The following STXBP5L variants were observed in gnomAD, a reference collection of about 807,000 sequenced individuals.
STXBP5L encodes syntaxin binding protein 5L, also known as syntaxin-binding protein 5-like.
STXBP5L carries 65 observed loss-of-function variants against 144.5 expected under a neutral mutation model. The observed-to-expected ratio is 0.45, with a 90% confidence interval of 0.37 to 0.55. The LOEUF is 0.55. STXBP5L is among the 20% of genes least tolerant of loss of function. The pLI, the probability that STXBP5L is intolerant of heterozygous loss-of-function variation, is 0.00. For synonymous variants in STXBP5L, 505 were observed against 469.6 expected, an observed-to-expected ratio of 1.08 and a Z score of -0.97; for missense variants, 1,298 against 1,405.5, an observed-to-expected ratio of 0.92 and a Z score of 1.22.
At chr3:121,082,024 AC>A (rs2042270082) in intron 5 of STXBP5L, among the ~76,000 whole-genome samples, 1 of 152,166 alleles carries the variant, frequency 6.6e-6, no homozygotes, top group Non-Finnish European at 1.5e-5. Flanking sequence ...TTGTAACCAT[AC>A]AGTAAGCTTT....
intron 3 of STXBP5L, among the ~76,000 whole-genome samples, chr3:121,003,563 C>G (rs1275559482): frequency 2.6e-5 from 4 of 152,126 alleles, no homozygotes; most frequent in East Asian, 1.9e-4. Context: ...TTAATTAGAT[C>G]CCATTTGTCA....
chr3:121,293,275 G>A (rs970809482), intron 19 of STXBP5L, among the ~76,000 whole-genome samples: 2 of 152,148 alleles, frequency 1.3e-5, no homozygotes, highest in African/African-American at 2.4e-5. Context: ...GAAAAGCAAT[G>A]CATAGTGACA....
intron 5 of STXBP5L, among the ~76,000 whole-genome samples, chr3:121,054,561 G>A (rs1028351937): frequency 1.4e-5 from 2 of 138,634 alleles, no homozygotes; most frequent in African/African-American, 5.5e-5. Context: ...GACACAGGAA[G>A]GGGAACATCA....
chr3:121,348,545 CT>C (rs1354903067), intron 20 of STXBP5L, among the ~76,000 whole-genome samples: 2 of 152,022 alleles, frequency 1.3e-5, no homozygotes, highest in Non-Finnish European at 2.9e-5. Flanking sequence ...ACAGCTCCTC[CT>C]TGTACTTCTG....
At chr3:121,028,082 C>T (rs1042652856) in intron 3 of STXBP5L, among the ~76,000 whole-genome samples, 3 of 151,984 alleles carry the variant, frequency 2.0e-5, no homozygotes, top group East Asian at 1.9e-4. Flanking sequence ...ACGCAATATA[C>T]ATTTGTTAAA....
intron 3 of STXBP5L, among the ~76,000 whole-genome samples, chr3:120,961,550 T>G (rs1161515740): frequency 6.6e-6 from 1 of 152,230 alleles, no homozygotes; most frequent in Non-Finnish European, 1.5e-5. Context: ...TGCGATAGTT[T>G]GCTGAGAATG....
At position 121,418,477 on chromosome 3, in the gene STXBP5L, G is replaced by A. The variant is rs1276784978; in HGVS notation, c.3367G>A (p.Gly1123Arg). 5.0e-6 allele frequency: 8 copies of A among 1,613,968 alleles called. No individual in the cohort carries two copies. Among genetic ancestry groups the A allele is most frequent in the Non-Finnish European group, 6.8e-6 (8 of 1,179,994 alleles). ...TRARIALDER[G>R]QRLGELEEKT... ...TGCACGGATTGCACTTGATGAAAGA[G>A]GACAGAGGCTAGGAGAGCTGGAAGA... The change falls in exon 26 of 27, where the codon GGA (glycine) becomes AGA (arginine). Residue 1123 changes from glycine to arginine, a missense_variant. Coordinates refer to ENST00000471454, the MANE Select transcript of STXBP5L (RefSeq NM_001308330.2).
intron 20 of STXBP5L, among the ~76,000 whole-genome samples, chr3:121,329,936 CTTAT>C (rs548315030): frequency 6.6e-6 from 1 of 152,074 alleles, no homozygotes; most frequent in South Asian, 2.1e-4. Context: ...TAAAGATACA[CTTAT>C]TTAATGTAAG....
intron 19 of STXBP5L, among the ~76,000 whole-genome samples, chr3:121,285,509 C>T (rs1221031218): frequency 2.0e-5 from 3 of 152,170 alleles, no homozygotes; most frequent in Admixed American, 1.3e-4. Flanking sequence ...TACTGGTCAC[C>T]TTATTCCATA....
At chr3:121,376,312 T>C (rs2046182248) in intron 20 of STXBP5L, among the ~76,000 whole-genome samples, 1 of 152,198 alleles carries the variant, frequency 6.6e-6, no homozygotes, top group Admixed American at 6.5e-5. Flanking sequence ...TTATGTACCC[T>C]TCTTAACTGC....
intron 20 of STXBP5L, among the ~76,000 whole-genome samples, chr3:121,327,515 C>A (rs2044187848): frequency 6.6e-6 from 1 of 152,166 alleles, no homozygotes; most frequent in Non-Finnish European, 1.5e-5. Context: ...TACTTTCACT[C>A]ATTTTCATAA....
chr3:121,340,392 C>T (rs1370185762), intron 20 of STXBP5L, among the ~76,000 whole-genome samples: 1 of 151,760 alleles, frequency 6.6e-6, no homozygotes, highest in Non-Finnish European at 1.5e-5. Context: ...CAGGTTTGTT[C>T]CATAGGTATA....
chr3:121,323,753 C>T lies in STXBP5L; in HGVS notation c.2176+5213C>T, dbSNP rs1309646818. 2.6e-5 allele frequency among the ~76,000 whole-genome samples: 4 copies of T among 151,638 alleles called. No individual in the cohort carries two copies. The East Asian group carries it at 5.8e-4, about 22-fold the overall frequency. The stretch of plus-strand genomic sequence containing the variant: ...CATACTTTTTTAAAGGCTGTACAAC[C>T]TTTTTTTTCTCACCAACTTGTACTG... On this transcript the variant is annotated intron_variant, in intron 20 of 26. Coordinates refer to ENST00000471454, the MANE Select transcript of STXBP5L (RefSeq NM_001308330.2).
In STXBP5L at chr3:121,134,650, G is replaced by A. The variant is rs571163765; in HGVS notation, c.669+12946G>A. Reference sequence around the variant, plus strand: ...AATTCCCGCCTATGAGTGAGAACATGTGGTGTTTGGTTTTTTGTTCTTGTG... The same window carrying A: ...AATTCCCGCCTATGAGTGAGAACATATGGTGTTTGGTTTTTTGTTCTTGTG... On this transcript the variant is annotated intron_variant, in intron 7 of 26. Transcript: ENST00000471454. Among the ~76,000 whole-genome samples, 12 of 152,068 alleles carry A rather than the reference G, an allele frequency of 7.9e-5. No individual in the cohort carries two copies. In the South Asian group the frequency reaches 2.5e-3, roughly 32 times the overall value.
chr3:120,961,619 C>A (rs977789578), intron 3 of STXBP5L, among the ~76,000 whole-genome samples: 3 of 152,176 alleles, frequency 2.0e-5, no homozygotes, highest in African/African-American at 7.2e-5. Context: ...TTTTTTATGG[C>A]TACATAGTAT....
At chr3:120,947,647 A>T (rs981816538) in intron 2 of STXBP5L, among the ~76,000 whole-genome samples, 3 of 151,788 alleles carry the variant, frequency 2.0e-5, no homozygotes, top group African/African-American at 7.2e-5. Flanking sequence ...TCCCTTGGCA[A>T]CCACTAATAT....
At chr3:121,054,950 T>C (rs1235907304) in intron 5 of STXBP5L, among the ~76,000 whole-genome samples, 1 of 152,140 alleles carries the variant, frequency 6.6e-6, no homozygotes. Context: ...AAGGCAATGT[T>C]CTGGCCCCTT....
At chr3:120,993,958 C>T (rs1472152437) in intron 3 of STXBP5L, among the ~76,000 whole-genome samples, 1 of 151,798 alleles carries the variant, frequency 6.6e-6, no homozygotes, top group Non-Finnish European at 1.5e-5. Flanking sequence ...CTGTTTGTGT[C>T]CTCTTAAATT....
At chr3:121,113,672 C>CTTTTTTTTTTTTTTT (rs1231857211) in intron 5 of STXBP5L, among the ~76,000 whole-genome samples, 15 of 122,566 alleles carry the variant, frequency 1.2e-4, no homozygotes, top group Non-Finnish European at 2.2e-4. Context: ...TTTTCTTTTT[C>CTTTTTTTTTTTTTTT]TTTTTTTTTT....
Sources: gnomAD v4.1 joint callset for allele counts (sites outside exome capture counted in the v4.1 genomes callset) on GRCh38, gnomAD v4.1.1 for gene constraint, MANE v1.5 for transcripts, NCBI Gene and HGNC (gene_info 2026-07-23, HGNC 2026-07-21) for gene names.